The following OTUD3 variants were observed in gnomAD, a reference collection of about 807,000 sequenced individuals.
OTUD3 encodes OTU deubiquitinase 3.
A neutral mutation model predicts 46.2 loss-of-function variants in OTUD3; 24 were observed. That is an observed-to-expected ratio of 0.52 (90% CI 0.38 to 0.73). The LOEUF is 0.73. Among genes scored for constraint, OTUD3 ranks in the 30% least tolerant of loss-of-function variants. The probability of loss-of-function intolerance (pLI) is 0.00; values close to 1 mark genes in which losing one functional copy is unlikely to be tolerated. For missense variants in OTUD3, 455 were observed against 523.3 expected, an observed-to-expected ratio of 0.87 and a Z score of 1.27; for synonymous variants, 189 against 195.4, an observed-to-expected ratio of 0.97 and a Z score of 0.27.
intron 4 of OTUD3, among the ~76,000 whole-genome samples, chr1:19,902,843 G>T (rs985055563): frequency 5.3e-5 from 8 of 151,530 alleles, no homozygotes; most frequent in African/African-American, 1.9e-4. Context: ...AAATACTTTG[G>T]CTGTTACCTC....
chr1:19,904,562 T>G (rs1217893708), intron 5 of OTUD3, among the ~76,000 whole-genome samples, 164 bp downstream of exon 5: 1 of 152,208 alleles, frequency 6.6e-6, no homozygotes, highest in Non-Finnish European at 1.5e-5. Context: ...TGAGAGCTGT[T>G]TATTAATTTC....
chr1:19,901,749 T>C (rs2045593132), intron 4 of OTUD3, among the ~76,000 whole-genome samples: 2 of 152,220 alleles, frequency 1.3e-5, no homozygotes, highest in African/African-American at 4.8e-5. Flanking sequence ...CTGGACATTT[T>C]ATGTAAATGG....
chr1:19,904,171 A>T lies in OTUD3; in HGVS notation c.607-96A>T. 4 of 908,712 alleles carry T rather than the reference A, an allele frequency of 4.4e-6. No individual in the cohort carries two copies. The East Asian group carries it at 1.1e-4, about 25-fold the overall frequency. The allele number at this position is 908,712 out of a possible 1,614,324, so 56.3% of individuals were successfully genotyped here. Reference sequence around the variant, plus strand: ...GTTTCTAGAAGGTTTTCCCCTATATATATGAATTTTTCCAGATTAGAGTGT... The same window carrying T: ...GTTTCTAGAAGGTTTTCCCCTATATTTATGAATTTTTCCAGATTAGAGTGT... On this transcript the variant is annotated intron_variant, in intron 4 of 7. Transcript: ENST00000375120.
chr1:19,896,870 C>T (rs1331163746), intron 3 of OTUD3, among the ~76,000 whole-genome samples: 1 of 152,134 alleles, frequency 6.6e-6, no homozygotes, highest in Admixed American at 6.5e-5. Context: ...CATAGAATAC[C>T]TTGTGGGTGG....
At chr1:19,899,342 A>G (rs2045557898) in intron 4 of OTUD3, among the ~76,000 whole-genome samples, 1 of 152,184 alleles carries the variant, frequency 6.6e-6, no homozygotes, top group Non-Finnish European at 1.5e-5. Flanking sequence ...CCCCACCACT[A>G]GTTGTAGCAT....
At chr1:19,902,358 G>A (rs1226179299) in intron 4 of OTUD3, among the ~76,000 whole-genome samples, 24 of 151,900 alleles carry the variant, frequency 1.6e-4, no homozygotes, top group Non-Finnish European at 1.5e-5. Context: ...GGGACCCACC[G>A]CCACGCCCAG....
rs757008985 is a variant in OTUD3 at position 19,907,741 on chromosome 1, A to T, written c.1192A>T (p.Ile398Phe). Residue 398 changes from isoleucine to phenylalanine, a missense_variant, in exon 8 of 8, where the codon ATC becomes TTC. Ile to Phe is a conservative substitution (Grantham distance 21). Transcript: ENST00000375120. ...GGTGAAGACCTTCGCCGCTCTCAAC[A>T]TCTGACTCTTTGGCCTCTTGGGAGT... Reference protein sequence around the residue: ...TLVKTFAALNI With the variant: ...TLVKTFAALNF 94 of 1,613,860 alleles carry T rather than the reference A, an allele frequency of 5.8e-5. No homozygotes were observed. The highest frequency in any genetic ancestry group is 7.9e-5 in the Non-Finnish European group (93 of 1,179,886).
At position 19,911,215 on chromosome 1, in the gene OTUD3, CT is replaced by C. The variant is rs1353748322; in HGVS notation, c.*3470del. ...TCACTTTCTTACCTCAAGGCTCTGT[CT>C]AGCCATGTTAAATCTTTAGACTCAG... is the stretch of plus-strand genomic sequence containing the variant. On this transcript the variant is annotated 3_prime_UTR_variant, in exon 8 of 8. Coordinates refer to ENST00000375120, the MANE Select transcript of OTUD3 (RefSeq NM_015207.2). 2 of 152,258 alleles carry C rather than the reference CT, an allele frequency of 1.3e-5. No individual in the cohort carries two copies. Among genetic ancestry groups the C allele is most frequent in the Non-Finnish European group, 2.9e-5 (2 of 68,034 alleles). 9.4% of individuals were successfully genotyped at this position (152,258 alleles called of 1,614,324 possible).
rs1042259656 is a variant in OTUD3, at chr1:19,912,519, G to C, written c.*4773G>C. The C allele has an allele frequency of 6.5e-6, 1 of 152,976 alleles. No homozygotes were observed. Among genetic ancestry groups the C allele is most frequent in the Non-Finnish European group, 1.5e-5 (1 of 68,116 alleles). The allele number at this position is 152,976 out of a possible 1,614,324, so 9.5% of individuals were successfully genotyped here. On this transcript the variant is annotated 3_prime_UTR_variant, in exon 8 of 8. Transcript: ENST00000375120. ...CTTTCCCATGTAGAAGTGTTGGCATGCGTCAGTCTCCTTTACAGAGGGGTG... is the reference window on the plus strand; with the variant it reads ...CTTTCCCATGTAGAAGTGTTGGCATCCGTCAGTCTCCTTTACAGAGGGGTG...
At chr1:19,886,378 G>A (rs1168628684) in intron 1 of OTUD3, among the ~76,000 whole-genome samples, 2 of 152,010 alleles carry the variant, frequency 1.3e-5, no homozygotes, top group Admixed American at 6.6e-5. Context: ...TTTTAGTTTT[G>A]TTTTTAATAT....
chr1:19,897,979 C>T (rs1246607528), intron 4 of OTUD3, among the ~76,000 whole-genome samples: 1 of 145,256 alleles, frequency 6.9e-6, no homozygotes, highest in African/African-American at 2.6e-5. Flanking sequence ...GATGGAGTTT[C>T]GCTCTTGTTG....
intron 3 of OTUD3, among the ~76,000 whole-genome samples, chr1:19,894,828 A>T (rs559700685): frequency 6.6e-6 from 1 of 152,210 alleles, no homozygotes; most frequent in African/African-American, 2.4e-5. Flanking sequence ...AAGACTGAGC[A>T]TGTGGTTTCT....
intron 3 of OTUD3, 78 bp from the exon 4 acceptor site, chr1:19,897,462 C>A: frequency 1.3e-6 from 2 of 1,488,050 alleles, no homozygotes; most frequent in South Asian, 1.2e-5. Flanking sequence ...GCTTCCTCAG[C>A]AGTCCAGGTG....
chr1:19,911,415 AG>A lies in OTUD3; in HGVS notation c.*3670del, dbSNP rs907348300. 1 of 137,012 alleles carries A rather than the reference AG, an allele frequency of 7.3e-6. No individual in the cohort carries two copies. Among genetic ancestry groups the A allele is most frequent in the African/African-American group, 2.8e-5 (1 of 35,628 alleles). The allele number at this position is 137,012 out of a possible 1,614,324, so 8.5% of individuals were successfully genotyped here. A position where few individuals can be genotyped will look rare whatever the true frequency, so the allele number is the denominator to read the frequency against. ...TTTTTTTTTTTTTTTTTTGAGACAG[AG>A]TCTTGCTTTGTTGCCCAGGCTGGAG... On this transcript the variant is annotated 3_prime_UTR_variant, in exon 8 of 8. Coordinates refer to ENST00000375120, the MANE Select transcript of OTUD3 (RefSeq NM_015207.2).
intron 1 of OTUD3, among the ~76,000 whole-genome samples, chr1:19,886,475 T>G (rs2045362717): frequency 6.6e-6 from 1 of 152,224 alleles, no homozygotes; most frequent in Non-Finnish European, 1.5e-5. Context: ...CCATCTTTTG[T>G]GCCTCACTCA....
At chr1:19,893,922 T>C (rs1243453503) in intron 2 of OTUD3, among the ~76,000 whole-genome samples, 1 of 152,268 alleles carries the variant, frequency 6.6e-6, no homozygotes, top group Non-Finnish European at 1.5e-5. Context: ...GTGTACCAGC[T>C]CTTTGACCTT....
intron 4 of OTUD3, among the ~76,000 whole-genome samples, chr1:19,899,695 G>A (rs543781856): frequency 9.2e-5 from 14 of 152,284 alleles, no homozygotes; most frequent in African/African-American, 3.4e-4. Context: ...AGATTTCACC[G>A]GTTTAAACTC....
At chr1:19,900,906 T>G (rs1437097652) in intron 4 of OTUD3, among the ~76,000 whole-genome samples, 1 of 149,330 alleles carries the variant, frequency 6.7e-6, no homozygotes. Context: ...CTATTGAGGT[T>G]TTTTTTTTTG....
chr1:19,893,836 G>A (rs1385692377), intron 2 of OTUD3, among the ~76,000 whole-genome samples: 1 of 152,186 alleles, frequency 6.6e-6, no homozygotes, highest in Non-Finnish European at 1.5e-5. Flanking sequence ...TGTGAACTCC[G>A]CGAGGGCAAA....
Sources: allele counts gnomAD v4.1 joint callset (sites outside exome capture counted in the v4.1 genomes callset), GRCh38; gene constraint gnomAD v4.1.1; transcripts MANE v1.5; gene names NCBI Gene and HGNC (gene_info 2026-07-23, HGNC 2026-07-21).